LRP11: variants seen among roughly 807,000 people sequenced by gnomAD.
The protein encoded by LRP11 is low-density lipoprotein receptor-related protein 11.
Under a neutral mutation model 43.1 loss-of-function variants are expected in LRP11, and 25 were observed. The observed-to-expected ratio is 0.58, with a 90% CI of 0.42 to 0.81. LRP11 has a LOEUF of 0.81. Ranked by LOEUF, LRP11 falls within the 30% of genes least tolerant of loss-of-function variation. LRP11 has a pLI of 0.00. For missense variants in LRP11, 623 were observed against 665.1 expected (o/e 0.94, Z 0.70); for synonymous variants, 316 against 299.4 (o/e 1.06, Z -0.57).
At chr6:149,835,864 T>C (rs1776463986) in intron 5 of LRP11, among the ~76,000 whole-genome samples, 2 of 152,208 alleles carry the variant, frequency 1.3e-5, no homozygotes, top group South Asian at 4.1e-4. Context: ...ATAAATGTAT[T>C]AGTGTCTCTG....
rs375548555 is a variant in LRP11, at chr6:149,841,956, T to C, written c.913+1027A>G. Among the ~76,000 whole-genome samples, 5 of 152,016 alleles carry C rather than the reference T, an allele frequency of 3.3e-5. 1 individual carries two copies. Among genetic ancestry groups the C allele is most frequent in the South Asian group, 4.2e-4 (2 of 4,814 alleles). ...TAGATGTTTAGAAAAGTAAGAAACA[T>C]AGATGAATGAAATAAGTTTTACATT... On this transcript the variant is annotated intron_variant, in intron 3 of 6. Transcript: ENST00000239367.
Position 149,836,185 on chromosome 6 carries a change from T to C in LRP11, c.1152A>G (p.Lys384=). The C allele has an allele frequency of 6.2e-7, 1 of 1,614,120 alleles. No individual in the cohort carries two copies. The highest frequency in any genetic ancestry group is 8.5e-7 in the Non-Finnish European group (1 of 1,180,028). ...CAGGTGGCTTGTTTGGGGCAGTGGC[T>C]TTCTGAGACTTTTCCACCAAGGAGT... ...GGDSLVEKSQ[K]ATAPNKPPAL... Residue 384 remains lysine (K), a synonymous_variant, in exon 5 of 7, where the codon AAA becomes AAG. Coordinates refer to ENST00000239367, the MANE Select transcript of LRP11 (RefSeq NM_032832.6).
intron 2 of LRP11, among the ~76,000 whole-genome samples, chr6:149,843,345 C>T (rs1776580789): frequency 6.6e-6 from 1 of 152,208 alleles, no homozygotes; most frequent in Admixed American, 6.5e-5. Flanking sequence ...CTGACAATCC[C>T]TTCACTTGTC....
chr6:149,863,502 GC>G lies in LRP11; in HGVS notation c.518del (p.Cys173SerfsTer57). On this transcript the variant is annotated frameshift_variant, in exon 1 of 7. Transcript: ENST00000239367. LOFTEE classifies it high-confidence loss of function. ...FNCTARGRNV[C>X]KFALHSGYSS... ...TGTAGCCGCTGTGCAGCGCGAACTTGCAGACGTTGCGGCCGCGCGCCGTGCA... is the reference window on the plus strand; with the variant it reads ...TGTAGCCGCTGTGCAGCGCGAACTTGAGACGTTGCGGCCGCGCGCCGTGCA... The G allele has an allele frequency of 7.4e-7, 1 of 1,347,576 alleles. No individual in the cohort carries two copies. Among genetic ancestry groups the G allele is most frequent in the Non-Finnish European group, 9.4e-7 (1 of 1,058,472 alleles). 83.5% of individuals were successfully genotyped at this position (1,347,576 alleles called of 1,614,324 possible).
intron 6 of LRP11, among the ~76,000 whole-genome samples, chr6:149,821,794 T>C (rs888501655): frequency 6.6e-6 from 1 of 152,224 alleles, no homozygotes; most frequent in East Asian, 1.9e-4. Flanking sequence ...GAGAAACATC[T>C]CCTTTGTGTA....
chr6:149,864,347 G>A lies in LRP11; in HGVS notation c.-327C>T, dbSNP rs1777007324. The A allele has an allele frequency of 1.0e-6, 1 of 1,004,766 alleles. No homozygotes were observed. Among genetic ancestry groups the A allele is most frequent in the African/African-American group, 1.7e-5 (1 of 57,838 alleles). The allele number at this position is 1,004,766 out of a possible 1,614,324, so 62.2% of individuals were successfully genotyped here. A position where few individuals can be genotyped will look rare whatever the true frequency, so the allele number is the denominator to read the frequency against. On this transcript the variant is annotated 5_prime_UTR_variant, in exon 1 of 7. Coordinates refer to ENST00000239367, the MANE Select transcript of LRP11 (RefSeq NM_032832.6). ...GCCTCGGCGTTGATCAGCACCAGGTGTGTGCGAACAGTGGCCGCGGCGGGG... is the reference window on the plus strand; with the variant it reads ...GCCTCGGCGTTGATCAGCACCAGGTATGTGCGAACAGTGGCCGCGGCGGGG...
chr6:149,838,398 G>A (rs138957873), intron 3 of LRP11, among the ~76,000 whole-genome samples: 120 of 151,864 alleles, frequency 7.9e-4, no homozygotes, highest in African/African-American at 2.7e-3. Context: ...ATGAAATAAT[G>A]ACATTGGCCA....
chr6:149,846,953 T>TAATAGAATAGAATAGAATAG lies in LRP11; in HGVS notation c.772-3849_772-3830dup, dbSNP rs71010876. 9.1e-3 allele frequency among the ~76,000 whole-genome samples: 1,193 copies of TAATAGAATAGAATAGAATAG among 131,506 alleles called. 10 individuals carry two copies. Among genetic ancestry groups the TAATAGAATAGAATAGAATAG allele is most frequent in the Non-Finnish European group, 0.01 (646 of 61,686 alleles). The allele number at this position is 131,506 out of a possible 152,430, so 86.3% of individuals were successfully genotyped here. On this transcript the variant is annotated intron_variant, in intron 2 of 6. Coordinates refer to ENST00000239367, the MANE Select transcript of LRP11 (RefSeq NM_032832.6). ...TATCTCAATATAAAATAAAATAAAA[T>TAATAGAATAGAATAGAATAG]AATAGAATAGAATAGAATAGAATAG...
rs1411648027 is a variant in LRP11 at position 149,819,960 on chromosome 6, G to A, written c.*589C>T. On this transcript the variant is annotated 3_prime_UTR_variant, in exon 7 of 7. Coordinates refer to ENST00000239367, the MANE Select transcript of LRP11 (RefSeq NM_032832.6). ...CCACCTATATGACATGACGTCAGAG[G>A]GATTAGGAAGGACCCACACTCACCT... The A allele has an allele frequency of 6.6e-6, 1 of 152,210 alleles. No homozygotes were observed. The highest frequency in any genetic ancestry group is 2.4e-5 in the African/African-American group (1 of 41,394). The allele number at this position is 152,210 out of a possible 1,614,324, so 9.4% of individuals were successfully genotyped here.
chr6:149,827,180 G>A lies in LRP11; in HGVS notation c.1253-821C>T, dbSNP rs1308501335. On this transcript the variant is annotated intron_variant, in intron 5 of 6. Transcript: ENST00000239367. The surrounding 1 kb of genome is among the most constrained non-coding windows in gnomAD (Gnocchi z 4.2). ...CGGGGTTTTGCCATGTTCCCCAGAT[G>A]GGCTCAAGTGATCCGCTCACCTCAG... Among the ~76,000 whole-genome samples, 5 of 151,786 alleles carry A rather than the reference G, an allele frequency of 3.3e-5. No homozygotes were observed. Among genetic ancestry groups the A allele is most frequent in the African/African-American group, 1.2e-4 (5 of 41,344 alleles).
chr6:149,835,562 C>T (rs773498709), intron 5 of LRP11, among the ~76,000 whole-genome samples: 11 of 152,042 alleles, frequency 7.2e-5, no homozygotes, highest in Non-Finnish European at 1.5e-4. Context: ...GAGCTGTGAT[C>T]GCGTCACTGT....
chr6:149,861,150 A>C (rs1195654029), intron 1 of LRP11, among the ~76,000 whole-genome samples: 1 of 152,154 alleles, frequency 6.6e-6, no homozygotes, highest in African/African-American at 2.4e-5. Flanking sequence ...CATGCTCACA[A>C]CCCAAAAACG....
At chr6:149,840,993 C>T (rs1217458201) in intron 3 of LRP11, among the ~76,000 whole-genome samples, 2 of 152,192 alleles carry the variant, frequency 1.3e-5, no homozygotes, top group African/African-American at 4.8e-5. Flanking sequence ...GGTGACCTCA[C>T]AGTGCTGGCA....
At chr6:149,835,187 C>G (rs968114592) in intron 5 of LRP11, among the ~76,000 whole-genome samples, 2 of 152,218 alleles carry the variant, frequency 1.3e-5, no homozygotes, top group Non-Finnish European at 2.9e-5. Flanking sequence ...CTATGTTGCC[C>G]AGGCTGGTCT....
intron 2 of LRP11, among the ~76,000 whole-genome samples, chr6:149,845,176 GCACC>G (rs1776614030): frequency 6.6e-6 from 1 of 152,206 alleles, no homozygotes; most frequent in Admixed American, 6.5e-5. Context: ...AGTAATAATA[GCACC>G]TACCTGATGA....
In LRP11 at chr6:149,863,453, G is replaced by A; in HGVS notation, c.568C>T (p.Pro190Ser). ...GCGGTGGCCAGGGCGGCGCCGTCCG[G>A]CGCGCGGCTGAGGCTGTAGCTGCTG... The part of the protein sequence containing the change: ...GYSSYSLSRA[P>S]DGAALATARA... The change falls in exon 1 of 7, where the codon CCG becomes TCG. Residue 190 changes from proline (P) to serine (S), a missense_variant. Coordinates refer to ENST00000239367, the MANE Select transcript of LRP11 (RefSeq NM_032832.6). 7.5e-7 allele frequency: 1 copy of A among 1,325,436 alleles called. No homozygotes were observed. Among genetic ancestry groups the A allele is most frequent in the South Asian group, 2.2e-5 (1 of 46,364 alleles). The allele number at this position is 1,325,436 out of a possible 1,614,324, so 82.1% of individuals were successfully genotyped here. A position where few individuals can be genotyped will look rare whatever the true frequency, so the allele number is the denominator to read the frequency against.
intron 1 of LRP11, among the ~76,000 whole-genome samples, chr6:149,859,668 T>C (rs1776862211): frequency 6.6e-6 from 1 of 152,112 alleles, no homozygotes; most frequent in Middle Eastern, 3.4e-3. Context: ...AGCGCTGGGA[T>C]TACAGGTGTG....
intron 3 of LRP11, among the ~76,000 whole-genome samples, chr6:149,840,353 T>C (rs1466855576): frequency 2.0e-5 from 3 of 152,208 alleles, no homozygotes; most frequent in Non-Finnish European, 4.4e-5. Flanking sequence ...AATTCCTTTT[T>C]ATTTTCCATA....
intron 1 of LRP11, among the ~76,000 whole-genome samples, chr6:149,859,396 A>ATATATATATATATT: frequency 2.8e-5 from 2 of 71,496 alleles, no homozygotes; most frequent in African/African-American, 1.6e-4. Flanking sequence ...ATATATATAT[A>ATATATATATATATT]TTTTTTTTTT....
Sources: gnomAD v4.1 joint callset for allele counts (sites outside exome capture counted in the v4.1 genomes callset) on GRCh38, gnomAD v4.1.1 for gene constraint, Gnocchi (gnomAD v3.1) non-coding constraint, MANE v1.5 for transcripts, NCBI Gene and HGNC (gene_info 2026-07-23, HGNC 2026-07-21) for gene names.